Variants in MRPL18 observed in about 807,000 individuals in gnomAD.
The protein encoded by MRPL18 is large ribosomal subunit protein uL18m.
A neutral mutation model predicts 20.9 loss-of-function variants in MRPL18; 16 were observed. The observed-to-expected ratio is 0.76, with a 90% confidence interval of 0.52 to 1.16. The LOEUF (loss-of-function observed/expected upper bound fraction) is 1.16. Among genes scored for constraint, MRPL18 ranks in the 50% most tolerant of loss-of-function variants. MRPL18 has a pLI of 0.00. For synonymous variants in MRPL18, 91 were observed against 87.1 expected, an observed-to-expected ratio of 1.04 and a Z score of -0.25; for missense variants, 233 against 230.6, an observed-to-expected ratio of 1.01 and a Z score of -0.07.
At chr6:159,796,120 T>C (rs1781022691) in intron 2 of MRPL18, among the ~76,000 whole-genome samples, 1 of 134,220 alleles carries the variant, frequency 7.5e-6, no homozygotes, top group Non-Finnish European at 1.6e-5. Context: ...TCTTTTGACT[T>C]CATTTTACTT....
At chr6:159,792,312 A>T (rs948542937) in intron 2 of MRPL18, among the ~76,000 whole-genome samples, 4 of 152,210 alleles carry the variant, frequency 2.6e-5, no homozygotes, top group African/African-American at 9.7e-5. Flanking sequence ...GGACTTCTTA[A>T]GTACTATGTA....
chr6:159,798,409 A>C lies in MRPL18; in HGVS notation c.*286A>C. 3.1e-6 allele frequency: 1 copy of C among 327,732 alleles called. No homozygotes were observed. Among genetic ancestry groups the C allele is most frequent in the Non-Finnish European group, 5.6e-6 (1 of 178,308 alleles). The allele number at this position is 327,732 out of a possible 1,614,324, so 20.3% of individuals were successfully genotyped here. On this transcript the variant is annotated 3_prime_UTR_variant, in exon 4 of 4. Transcript: ENST00000367034. ...GAAGTTGTTTATAAATTACAAAATA[A>C]AGGCATATTATGAACTCTTATTTTC...
At chr6:159,797,569 C>T in intron 3 of MRPL18, 51 bp downstream of exon 3, 5 of 1,540,992 alleles carry the variant, frequency 3.2e-6, no homozygotes, top group Non-Finnish European at 4.5e-6. Flanking sequence ...TAATTCTTGG[C>T]ATTAGATAAC....
chr6:159,790,667 G>T, intron 1 of MRPL18, 28 bp downstream of exon 1: 2 of 1,613,098 alleles, frequency 1.2e-6, no homozygotes, highest in Non-Finnish European at 1.7e-6. Context: ...CCTTCTCCCA[G>T]CTCACTCGCC....
At chr6:159,792,358 G>A (rs1780922660) in intron 2 of MRPL18, among the ~76,000 whole-genome samples, 1 of 152,110 alleles carries the variant, frequency 6.6e-6, no homozygotes, top group Non-Finnish European at 1.5e-5. Flanking sequence ...ATTACTGTGT[G>A]ATGTATTATT....
rs2115014551 is a variant in MRPL18 at position 159,798,390 on chromosome 6, G to A, written c.*267G>A. The A allele has an allele frequency of 2.7e-6, 1 of 367,310 alleles. No individual in the cohort carries two copies. Among genetic ancestry groups the A allele is most frequent in the East Asian group, 5.0e-5 (1 of 19,864 alleles). The allele number at this position is 367,310 out of a possible 1,614,324, so 22.8% of individuals were successfully genotyped here. A position where few individuals can be genotyped will look rare whatever the true frequency, so the allele number is the denominator to read the frequency against. Reference sequence around the variant, plus strand: ...ACTTTCAAAGGGCAAGTCAGAAGTTGTTTATAAATTACAAAATAAAGGCAT... The same window carrying A: ...ACTTTCAAAGGGCAAGTCAGAAGTTATTTATAAATTACAAAATAAAGGCAT... On this transcript the variant is annotated 3_prime_UTR_variant, in exon 4 of 4. Coordinates refer to ENST00000367034, the MANE Select transcript of MRPL18 (RefSeq NM_014161.5).
chr6:159,798,095 T>C lies in MRPL18; in HGVS notation c.515T>C (p.Leu172Pro), dbSNP rs1401557933. ...QSAMTEGGVVLREPQRIYE is the reference protein window; with the variant it reads ...QSAMTEGGVVPREPQRIYE Reference sequence around the variant, plus strand: ...GCCATGACAGAAGGTGGTGTGGTTCTACGGGAACCTCAGAGAATCTATGAA... The same window carrying C: ...GCCATGACAGAAGGTGGTGTGGTTCCACGGGAACCTCAGAGAATCTATGAA... The change falls in exon 4 of 4, where the codon CTA becomes CCA. Residue 172 changes from leucine (L) to proline (P), a missense_variant. Leu to Pro is a moderately conservative substitution (Grantham distance 98). Transcript: ENST00000367034. 2 of 1,613,748 alleles carry C rather than the reference T, an allele frequency of 1.2e-6. No individual in the cohort carries two copies. Among genetic ancestry groups the C allele is most frequent in the Admixed American group, 3.3e-5 (2 of 59,990 alleles).
upstream of MRPL18, chr6:159,789,980 T>C (rs1780820706): frequency 5.6e-6 from 1 of 177,164 alleles, no homozygotes; most frequent in Non-Finnish European, 1.2e-5. Flanking sequence ...GAGTCGTGCG[T>C]TTTAGGTTTA....
chr6:159,794,824 G>C (rs540617460), intron 2 of MRPL18, among the ~76,000 whole-genome samples: 1 of 152,310 alleles, frequency 6.6e-6, no homozygotes, highest in South Asian at 2.1e-4. Context: ...ACAAAGTATA[G>C]AGAAAGAAAT....
chr6:159,790,576 A>G lies in MRPL18; in HGVS notation c.-12A>G, dbSNP rs753490022. On this transcript the variant is annotated 5_prime_UTR_variant, in exon 1 of 4. Transcript: ENST00000367034. ...GAAAAAGAGGCGAGGCTTTTCCGAG[A>G]TCGTCTCAGCGATGGCGCTTCGGTC... 8 of 1,612,348 alleles carry G rather than the reference A, an allele frequency of 5.0e-6. No individual in the cohort carries two copies. The highest frequency in any genetic ancestry group is 6.8e-6 in the Non-Finnish European group (8 of 1,179,684).
At chr6:159,790,756 T>G in intron 1 of MRPL18, 117 bp downstream of exon 1, 2 of 1,453,070 alleles carry the variant, frequency 1.4e-6, no homozygotes, top group Non-Finnish European at 1.9e-6. Flanking sequence ...CTCGCGGCAC[T>G]GCGAAGACCA....
At chr6:159,790,301 A>G (rs1052795940), upstream of MRPL18, among the ~76,000 whole-genome samples, 3 of 152,084 alleles carry the variant, frequency 2.0e-5, no homozygotes, top group Admixed American at 6.5e-5. Flanking sequence ...CCCCGGACTT[A>G]AGCAACAAGC....
intron 2 of MRPL18, among the ~76,000 whole-genome samples, chr6:159,795,186 C>T (rs78069359): frequency 0.044 from 6,762 of 152,256 alleles, 222 homozygotes; most frequent in African/African-American, 0.093. Flanking sequence ...AGTGCATTGC[C>T]CAGGGACAGG....
At position 159,791,018 on chromosome 6, in the gene MRPL18, T is replaced by C. The variant is rs1398050467; in HGVS notation, c.131T>C (p.Val44Ala). 1 of 1,614,220 alleles carries C rather than the reference T, an allele frequency of 6.2e-7. No homozygotes were observed. Among genetic ancestry groups the C allele is most frequent in the African/African-American group, 1.3e-5 (1 of 75,044 alleles). ...GTGGACCCTGTGGAAAATGAAGCTG[T>C]CGCCCCAGAATTCACCAACCGGAAC... ...PEVDPVENEA[V>A]APEFTNRNPR... The change falls in exon 2 of 4, where the codon GTC becomes GCC. Residue 44 changes from valine to alanine, a missense_variant. Physicochemically the swap from Val to Ala is moderately conservative, Grantham distance 64. Coordinates refer to ENST00000367034, the MANE Select transcript of MRPL18 (RefSeq NM_014161.5).
intron 2 of MRPL18, among the ~76,000 whole-genome samples, chr6:159,795,261 T>C (rs1781000206): frequency 1.3e-5 from 2 of 152,244 alleles, no homozygotes; most frequent in African/African-American, 4.8e-5. Context: ...ATACTAATCC[T>C]CCTCAGCACA....
chr6:159,792,096 G>T (rs1432041708), intron 2 of MRPL18, among the ~76,000 whole-genome samples: 1 of 152,198 alleles, frequency 6.6e-6, no homozygotes, highest in African/African-American at 2.4e-5. Context: ...TCATGAAGCA[G>T]TTATAATTTC....
upstream of MRPL18, chr6:159,789,850 C>T: frequency 3.3e-6 from 1 of 300,022 alleles, no homozygotes; most frequent in Non-Finnish European, 6.6e-6. Context: ...AACGATGTTG[C>T]GCAGACGCAG....
chr6:159,798,295 C>G lies in MRPL18; in HGVS notation c.*172C>G. 1 of 531,698 alleles carries G rather than the reference C, an allele frequency of 1.9e-6. No homozygotes were observed. The highest frequency in any genetic ancestry group is 2.9e-5 in the South Asian group (1 of 35,012). The allele number at this position is 531,698 out of a possible 1,614,324, so 32.9% of individuals were successfully genotyped here. A position where few individuals can be genotyped will look rare whatever the true frequency, so the allele number is the denominator to read the frequency against. On this transcript the variant is annotated 3_prime_UTR_variant, in exon 4 of 4. Transcript: ENST00000367034. ...TCCTCCCCTTTCTGTTTTTTTAAAT[C>G]AAGAACTACGTTCTGCCCCTCTCTT...
At chr6:159,795,502 C>T (rs548087271) in intron 2 of MRPL18, among the ~76,000 whole-genome samples, 1 of 152,334 alleles carries the variant, frequency 6.6e-6, no homozygotes, top group African/African-American at 2.4e-5. Flanking sequence ...GCACATCTTG[C>T]ACAACCCTTA....
Sources: gnomAD v4.1 joint callset for allele counts (sites outside exome capture counted in the v4.1 genomes callset) on GRCh38, gnomAD v4.1.1 for gene constraint, MANE v1.5 for transcripts, NCBI Gene and HGNC (gene_info 2026-07-23, HGNC 2026-07-21) for gene names.